The following ARHGEF6 variants were observed in gnomAD, a reference collection of about 807,000 sequenced individuals.
The protein encoded by ARHGEF6 is Rac/Cdc42 guanine nucleotide exchange factor 6.
ARHGEF6 carries 9 observed loss-of-function variants against 70.3 expected under a neutral mutation model. The observed-to-expected ratio is 0.13, with a 90% CI of 0.08 to 0.22. ARHGEF6 has a LOEUF of 0.22. Among genes scored for constraint, ARHGEF6 ranks in the 10% least tolerant of loss-of-function variants. The probability of loss-of-function intolerance (pLI) is 1.00; values close to 1 mark genes in which losing one functional copy is unlikely to be tolerated. For missense variants in ARHGEF6, 470 were observed against 563.0 expected (o/e 0.83, Z 1.67); for synonymous variants, 201 against 207.8 (o/e 0.97, Z 0.28).
intron 12 of ARHGEF6, among the ~76,000 whole-genome samples, chrX:136,685,473 T>C (rs916200224): frequency 1.8e-5 from 2 of 109,853 alleles, no homozygotes; most frequent in African/African-American, 3.3e-5. Flanking sequence ...TTGACTTTGA[T>C]GGAAGAACAA....
In ARHGEF6 at chrX:136,687,974, A is replaced by T. The variant is rs773123932; in HGVS notation, c.1203T>A (p.His401Gln). Residue 401 changes from histidine (H) to glutamine (Q), a missense_variant, in exon 11 of 22, where the codon CAT becomes CAA. Around this residue, in one of 3 missense-constraint regions of ARHGEF6, gnomAD observed 379 missense variants for 449.3 expected, o/e 0.84. Coordinates refer to ENST00000250617, the MANE Select transcript of ARHGEF6 (RefSeq NM_004840.3). Reference sequence around the variant, plus strand: ...CTACGATTGCTTTCAGAATATCCTGATGATCTGGATGAGTATCCTATCAAA... The same window carrying T: ...CTACGATTGCTTTCAGAATATCCTGTTGATCTGGATGAGTATCCTATCAAA... ...ERHMEDTHPD[H>Q]QDILKAIVAF... The T allele has an allele frequency of 1.6e-5, 19 of 1,200,165 alleles. No homozygotes were observed. In the Admixed American group the frequency reaches 3.5e-4, roughly 22 times the overall value.
intron 5 of ARHGEF6, among the ~76,000 whole-genome samples, chrX:136,741,495 G>A (rs1260210609): frequency 1.8e-5 from 2 of 110,094 alleles, no homozygotes; most frequent in South Asian, 3.8e-4. Flanking sequence ...AGTTTTGGAG[G>A]AGTCAAAAGT....
chrX:136,747,066 G>T (rs993216404), intron 3 of ARHGEF6, among the ~76,000 whole-genome samples: 1 of 111,200 alleles, frequency 9.0e-6, no homozygotes, highest in Non-Finnish European at 1.9e-5. Context: ...ATGACCCCAA[G>T]ATTTCATTTT....
chrX:136,687,778 A>T (rs887591357), intron 11 of ARHGEF6, among the ~76,000 whole-genome samples, 154 bp downstream of exon 11: 2 of 112,356 alleles, frequency 1.8e-5, no homozygotes, highest in Non-Finnish European at 3.8e-5. Context: ...TTTTTGGAGG[A>T]CAAAATTAAG....
intron 5 of ARHGEF6, among the ~76,000 whole-genome samples, chrX:136,739,920 G>A (rs1041721133): frequency 8.9e-6 from 1 of 111,856 alleles, no homozygotes; most frequent in Non-Finnish European, 1.9e-5. Flanking sequence ...GCAACGGAAG[G>A]CCAGATCCTG....
At chrX:136,685,850 G>A (rs1390984260) in intron 11 of ARHGEF6, 27 bp from the exon 12 acceptor site, 2 of 1,202,219 alleles carry the variant, frequency 1.7e-6, no homozygotes, top group African/African-American at 3.5e-5. Flanking sequence ...GAACATAATG[G>A]AATAGGAATT....
intron 15 of ARHGEF6, among the ~76,000 whole-genome samples, chrX:136,679,907 A>G (rs1016145615): frequency 8.9e-6 from 1 of 112,359 alleles, no homozygotes; most frequent in Non-Finnish European, 1.9e-5. Context: ...TCTGGAATTT[A>G]ATTAATTTAA....
intron 7 of ARHGEF6, among the ~76,000 whole-genome samples, chrX:136,709,929 G>A (rs2148618802): frequency 9.0e-6 from 1 of 111,620 alleles, no homozygotes; most frequent in African/African-American, 3.3e-5. Flanking sequence ...TCGTGCCACT[G>A]CACTCCAGGC....
chrX:136,744,605 GAAGT>G (rs1394706469), intron 4 of ARHGEF6, among the ~76,000 whole-genome samples: 1 of 111,801 alleles, frequency 8.9e-6, no homozygotes, highest in Non-Finnish European at 1.9e-5. Flanking sequence ...AAGTGCTTTG[GAAGT>G]AATAGGTCAT....
intron 9 of ARHGEF6, among the ~76,000 whole-genome samples, chrX:136,703,667 C>T (rs1440861739): frequency 8.9e-6 from 1 of 112,046 alleles, no homozygotes; most frequent in African/African-American, 3.2e-5. Flanking sequence ...GGATTACAGC[C>T]ATGTGCAAGC....
intron 10 of ARHGEF6, among the ~76,000 whole-genome samples, chrX:136,689,749 C>T: frequency 9.0e-6 from 1 of 111,570 alleles, no homozygotes; most frequent in South Asian, 3.8e-4. Context: ...CCCTTGAAAC[C>T]TCAAAACCTT....
chrX:136,695,691 C>G (rs1240468588), intron 9 of ARHGEF6, among the ~76,000 whole-genome samples: 4 of 111,799 alleles, frequency 3.6e-5, no homozygotes, highest in Non-Finnish European at 5.6e-5. Flanking sequence ...ATGAATTCAT[C>G]AAAGGAAAAA....
At chrX:136,716,965 G>A (rs747614178) in intron 6 of ARHGEF6, among the ~76,000 whole-genome samples, 6 of 111,400 alleles carry the variant, frequency 5.4e-5, no homozygotes, top group Admixed American at 2.9e-4. Flanking sequence ...AAGAGAATAT[G>A]AAAGAACTGT....
intron 1 of ARHGEF6, 26 bp from the exon 2 acceptor site, chrX:136,779,523 T>C (rs1366898885): frequency 1.7e-6 from 2 of 1,168,379 alleles, no homozygotes; most frequent in Non-Finnish European, 2.3e-6. Context: ...GAAATGTCAC[T>C]TGGAGATTGT....
intron 5 of ARHGEF6, among the ~76,000 whole-genome samples, chrX:136,736,229 G>A (rs911654683): frequency 9.0e-6 from 1 of 111,575 alleles, no homozygotes; most frequent in Non-Finnish European, 1.9e-5. Context: ...TTACTTTGAT[G>A]TATAAATAAC....
intron 2 of ARHGEF6, chrX:136,767,774 G>A: frequency 1.3e-6 from 1 of 754,980 alleles, no homozygotes; most frequent in Non-Finnish European, 1.6e-6. Flanking sequence ...GGCCAGCAGC[G>A]GGTAAGCAGT....
chrX:136,695,016 GAA>G (rs989855714), intron 9 of ARHGEF6, among the ~76,000 whole-genome samples: 5 of 111,889 alleles, frequency 4.5e-5, no homozygotes, highest in African/African-American at 1.6e-4. Context: ...CCGAAAGGAA[GAA>G]GTTCACCTGA....
chrX:136,685,846 A>G (rs1188241684), intron 11 of ARHGEF6, 23 bp from the exon 12 acceptor site: 1 of 1,205,469 alleles, frequency 8.3e-7, no homozygotes, highest in Admixed American at 2.2e-5. Flanking sequence ...AGCAGAACAT[A>G]ATGGAATAGG....
At chrX:136,685,943 T>C in intron 11 of ARHGEF6, 120 bp from the exon 12 acceptor site, 1 of 748,047 alleles carries the variant, frequency 1.3e-6, no homozygotes, top group Non-Finnish European at 2.0e-6. Context: ...TTCCTCATCA[T>C]GAATCCCATG....
Sources: allele counts gnomAD v4.1 joint callset (sites outside exome capture counted in the v4.1 genomes callset), GRCh38; gene constraint gnomAD v4.1.1; regional missense constraint gnomAD v4.1.1; transcripts MANE v1.5; gene names NCBI Gene and HGNC (gene_info 2026-07-23, HGNC 2026-07-21).